MICU1: variants seen among roughly 807,000 people sequenced by gnomAD.
MICU1 encodes the protein calcium uptake protein 1, mitochondrial.
In MICU1, 45 loss-of-function variants were observed where a neutral mutation model predicts 56.8. The observed-to-expected ratio is 0.79, with a 90% CI of 0.62 to 1.02. The LOEUF (loss-of-function observed/expected upper bound fraction) is 1.02. Among genes scored for constraint, MICU1 ranks in the 50% least tolerant of loss-of-function variants. MICU1 has a pLI of 0.00. For missense variants in MICU1, 504 were observed against 587.1 expected, an observed-to-expected ratio of 0.86 and a Z score of 1.46; for synonymous variants, 186 against 195.1, an observed-to-expected ratio of 0.95 and a Z score of 0.39.
chr10:72,542,640 C>T (rs2132427330), intron 4 of MICU1, among the ~76,000 whole-genome samples: 1 of 152,326 alleles, frequency 6.6e-6, no homozygotes. Context: ...TACAGTGCTC[C>T]TTTAGCTCTG....
chr10:72,482,067 C>A (rs571574841), intron 6 of MICU1, among the ~76,000 whole-genome samples: 1 of 152,118 alleles, frequency 6.6e-6, no homozygotes, highest in African/African-American at 2.4e-5. Flanking sequence ...AAAAAACCAT[C>A]TTTTTCTATG....
intron 10 of MICU1, among the ~76,000 whole-genome samples, chr10:72,390,047 T>C (rs1327993121): frequency 1.3e-5 from 2 of 152,194 alleles, no homozygotes; most frequent in Non-Finnish European, 2.9e-5. Context: ...AGGTTCTTTC[T>C]TCAGATGGTT....
chr10:72,608,960 G>C (rs1007197310), intron 1 of MICU1, among the ~76,000 whole-genome samples: 2 of 152,184 alleles, frequency 1.3e-5, no homozygotes, highest in African/African-American at 4.8e-5. Flanking sequence ...TGCTGGTTCT[G>C]AGGGCTGGCC....
chr10:72,599,362 T>TAGAA (rs148848206), intron 1 of MICU1, among the ~76,000 whole-genome samples: 371 of 152,352 alleles, frequency 2.4e-3, no homozygotes, highest in African/African-American at 8.8e-3. Flanking sequence ...TGTGAATTCC[T>TAGAA]AGAAATAAAC....
At chr10:72,486,600 T>C (rs1204903452) in intron 6 of MICU1, among the ~76,000 whole-genome samples, 3 of 152,214 alleles carry the variant, frequency 2.0e-5, no homozygotes, top group Admixed American at 6.5e-5. Context: ...GCCTCTCAAG[T>C]AGCTGAGATT....
rs7897114 is a variant in MICU1, at chr10:72,524,267, C to T, written c.537+9479G>A. Among the ~76,000 whole-genome samples, 89,497 of 151,862 alleles carry T rather than the reference C, an allele frequency of 0.59. 27,627 individuals are homozygous for T. Among genetic ancestry groups the T allele is most frequent in the Non-Finnish European group, 0.67 (45,680 of 67,932 alleles). ...TCCTGAGTAGCTAGGACTACTACTG[C>T]TTTTAAATGTTTTCATAGAGATGAG... On this transcript the variant is annotated intron_variant, in intron 5 of 11. Transcript: ENST00000361114.
intron 8 of MICU1, among the ~76,000 whole-genome samples, chr10:72,465,345 T>C (rs1865761354): frequency 7.2e-6 from 1 of 139,336 alleles, no homozygotes. Context: ...CCCTTAAACA[T>C]ATACTTGGCT....
At chr10:72,558,358 G>C (rs1840210704) in intron 3 of MICU1, among the ~76,000 whole-genome samples, 1 of 152,162 alleles carries the variant, frequency 6.6e-6, no homozygotes, top group African/African-American at 2.4e-5. Flanking sequence ...ACATACTGTG[G>C]TAGGAAGAAA....
chr10:72,591,942 C>G (rs1841236762), intron 1 of MICU1, among the ~76,000 whole-genome samples: 2 of 151,588 alleles, frequency 1.3e-5, no homozygotes, highest in Non-Finnish European at 1.5e-5. Flanking sequence ...ACCCAAGAGG[C>G]AGAGGTTGCA....
At chr10:72,469,387 AAAGTTATT>A (rs1292981540) in intron 8 of MICU1, among the ~76,000 whole-genome samples, 1 of 152,212 alleles carries the variant, frequency 6.6e-6, no homozygotes, top group Admixed American at 6.5e-5. Context: ...AACCCATACA[AAAGTTATT>A]AAGATACTAC....
chr10:72,609,917 C>A (rs923132876), intron 1 of MICU1, among the ~76,000 whole-genome samples: 2 of 151,522 alleles, frequency 1.3e-5, no homozygotes, highest in Admixed American at 1.3e-4. Flanking sequence ...TGCCTGTAAT[C>A]CTAGCTAGTC....
chr10:72,450,355 G>T (rs145618139), intron 8 of MICU1, among the ~76,000 whole-genome samples: 1 of 151,936 alleles, frequency 6.6e-6, no homozygotes, highest in Non-Finnish European at 1.5e-5. Flanking sequence ...TTAGTTAAGA[G>T]TGATTGATGA....
At chr10:72,368,718 G>A (rs895053280) in intron 11 of MICU1, among the ~76,000 whole-genome samples, 2 of 152,098 alleles carry the variant, frequency 1.3e-5, no homozygotes, top group Non-Finnish European at 2.9e-5. Context: ...ATGCTATGGG[G>A]GGCACAGAGG....
At chr10:72,559,318 T>C (rs2132460503) in intron 3 of MICU1, among the ~76,000 whole-genome samples, 1 of 152,308 alleles carries the variant, frequency 6.6e-6, no homozygotes, top group African/African-American at 2.4e-5. Flanking sequence ...TTAATACTCA[T>C]TTCTTTTTTA....
intron 6 of MICU1, among the ~76,000 whole-genome samples, chr10:72,501,123 T>C (rs929491742): frequency 2.0e-5 from 3 of 152,180 alleles, no homozygotes; most frequent in African/African-American, 4.8e-5. Context: ...AGTTATCTAG[T>C]AAATACTTAA....
intron 1 of MICU1, among the ~76,000 whole-genome samples, chr10:72,592,726 T>C (rs1841261295): frequency 6.6e-6 from 1 of 151,738 alleles, no homozygotes; most frequent in African/African-American, 2.4e-5. Context: ...AAAATCTACA[T>C]GGTCATCTCA....
chr10:72,465,128 GTAGCTGGAA>G (rs1865750202), intron 8 of MICU1, among the ~76,000 whole-genome samples: 1 of 151,960 alleles, frequency 6.6e-6, no homozygotes, highest in African/African-American at 2.4e-5. Flanking sequence ...AGCCTCCCGA[GTAGCTGGAA>G]TTACAGGTGT....
intron 5 of MICU1, among the ~76,000 whole-genome samples, chr10:72,527,558 T>C (rs1418845387): frequency 6.6e-6 from 1 of 152,130 alleles, no homozygotes; most frequent in Admixed American, 6.6e-5. Flanking sequence ...AGAAGGGCTA[T>C]TGCTATGTTG....
intron 8 of MICU1, among the ~76,000 whole-genome samples, chr10:72,463,608 G>A (rs1237368699): frequency 6.6e-6 from 1 of 152,194 alleles, no homozygotes; most frequent in Admixed American, 6.5e-5. Context: ...ATACAGTCAT[G>A]TGCTGCATAA....
Sources: allele counts gnomAD v4.1 joint callset (sites outside exome capture counted in the v4.1 genomes callset), GRCh38; gene constraint gnomAD v4.1.1; transcripts MANE v1.5; gene names NCBI Gene and HGNC (gene_info 2026-07-23, HGNC 2026-07-21).